The following ZMYM4 variants were observed in gnomAD, a reference collection of about 807,000 sequenced individuals.
ZMYM4 encodes zinc finger MYM-type containing 4.
ZMYM4 carries 31 observed loss-of-function variants against 183.2 expected under a neutral mutation model. That is an observed-to-expected ratio of 0.17 (90% CI 0.13 to 0.23). The LOEUF (loss-of-function observed/expected upper bound fraction) is 0.23. Among genes scored for constraint, ZMYM4 ranks in the 10% least tolerant of loss-of-function variants. The probability of loss-of-function intolerance (pLI) is 1.00; values close to 1 mark genes in which losing one functional copy is unlikely to be tolerated. For missense variants in ZMYM4, 1,273 were observed against 1,840.3 expected, an observed-to-expected ratio of 0.69 and a Z score of 5.64; for synonymous variants, 592 against 631.2, an observed-to-expected ratio of 0.94 and a Z score of 0.93.
chr1:35,403,854 T>C (rs2149021998), intron 23 of ZMYM4, among the ~76,000 whole-genome samples: 1 of 152,342 alleles, frequency 6.6e-6, no homozygotes, highest in East Asian at 1.9e-4. Flanking sequence ...AAGCTATAAA[T>C]GCTGTTTCTA....
chr1:35,400,592 GA>G (rs1299026726), intron 23 of ZMYM4, among the ~76,000 whole-genome samples: 1 of 152,152 alleles, frequency 6.6e-6, no homozygotes, highest in East Asian at 1.9e-4. Context: ...AAAGTTGAAA[GA>G]ATAATAGCTT....
intron 11 of ZMYM4, among the ~76,000 whole-genome samples, chr1:35,386,745 TTGAA>T (rs1236395297): frequency 6.6e-6 from 1 of 152,236 alleles, no homozygotes; most frequent in Non-Finnish European, 1.5e-5. Context: ...TTCTATAAAA[TTGAA>T]TGGTACTTTT....
At chr1:35,375,842 A>G (rs944604601) in intron 7 of ZMYM4, among the ~76,000 whole-genome samples, 17 of 152,164 alleles carry the variant, frequency 1.1e-4, no homozygotes, top group Admixed American at 6.5e-5. Context: ...TTAGGAAGCC[A>G]ACATTGGAGG....
chr1:35,339,275 C>T (rs780507055), intron 2 of ZMYM4, among the ~76,000 whole-genome samples: 89 of 152,002 alleles, frequency 5.9e-4, no homozygotes, highest in Non-Finnish European at 1.2e-4. Flanking sequence ...ACTCTTGTCA[C>T]CCAAGCTGGA....
intron 2 of ZMYM4, among the ~76,000 whole-genome samples, chr1:35,344,958 G>T (rs988992795): frequency 6.6e-6 from 1 of 152,014 alleles, no homozygotes; most frequent in Non-Finnish European, 1.5e-5. Context: ...CCGGGCCTGG[G>T]GCCATTCAGA....
chr1:35,370,243 A>G, intron 6 of ZMYM4, 129 bp from the exon 7 acceptor site: 1 of 1,456,066 alleles, frequency 6.9e-7, no homozygotes, highest in Non-Finnish European at 9.1e-7. Context: ...TGTATATTGC[A>G]TAATTACTGT....
intron 1 of ZMYM4, among the ~76,000 whole-genome samples, chr1:35,274,054 G>A (rs1314872610): frequency 1.3e-5 from 2 of 151,834 alleles, no homozygotes; most frequent in East Asian, 3.9e-4. Context: ...TAAAATAATT[G>A]CAAAAGATTG....
chr1:35,283,179 T>TTTC (rs1553161987), intron 1 of ZMYM4, among the ~76,000 whole-genome samples: 3 of 147,084 alleles, frequency 2.0e-5, no homozygotes, highest in African/African-American at 7.5e-5. Flanking sequence ...CTAATTTTTT[T>TTTC]TTTTTTTGTA....
chr1:35,392,249 C>A lies in ZMYM4; in HGVS notation c.2625C>A (p.Pro875=), dbSNP rs1644722593. The change falls in exon 16 of 30, where the codon CCC becomes CCA. Residue 875 remains proline, a synonymous_variant. Coordinates refer to ENST00000314607, the MANE Select transcript of ZMYM4 (RefSeq NM_005095.3). The part of the protein sequence containing the change: ...ISMVQAASAG[P]PSLRKDSTPV... ...TGGTTCAAGCTGCTTCAGCAGGACCCCCATCTCTGAGAAAAGATTCGACTC... is the reference window on the plus strand; with the variant it reads ...TGGTTCAAGCTGCTTCAGCAGGACCACCATCTCTGAGAAAAGATTCGACTC... 8.7e-6 allele frequency: 14 copies of A among 1,614,136 alleles called. No individual in the cohort carries two copies. In the East Asian group the frequency reaches 2.9e-4, roughly 33 times the overall value.
intron 9 of ZMYM4, among the ~76,000 whole-genome samples, chr1:35,384,134 A>T (rs1411812336): frequency 6.6e-6 from 1 of 152,178 alleles, no homozygotes; most frequent in Non-Finnish European, 1.5e-5. Flanking sequence ...TAGAGATGCT[A>T]TGATGGAAGT....
rs901474893 is a variant in ZMYM4 at position 35,389,483 on chromosome 1, G to A, written c.2436+401G>A. ...AATTAGTATAAAATCAGCTGGGCGCGGTGGCTCACGCCTGTAATCCCAGCA... is the reference window on the plus strand; with the variant it reads ...AATTAGTATAAAATCAGCTGGGCGCAGTGGCTCACGCCTGTAATCCCAGCA... On this transcript the variant is annotated intron_variant, in intron 14 of 29. Transcript: ENST00000314607. The surrounding 1 kb of genome is among the most constrained non-coding windows in gnomAD (Gnocchi z 4.0). 2.6e-5 allele frequency among the ~76,000 whole-genome samples: 4 copies of A among 151,912 alleles called. No individual in the cohort carries two copies. Among genetic ancestry groups the A allele is most frequent in the Admixed American group, 6.6e-5 (1 of 15,244 alleles).
At chr1:35,380,790 A>G (rs1040983285) in intron 7 of ZMYM4, among the ~76,000 whole-genome samples, 3 of 152,150 alleles carry the variant, frequency 2.0e-5, no homozygotes, top group African/African-American at 7.2e-5. Flanking sequence ...TTATTTAGAT[A>G]TGGTAATGTT....
intron 1 of ZMYM4, among the ~76,000 whole-genome samples, chr1:35,276,732 C>A (rs930167037): frequency 6.6e-6 from 1 of 152,068 alleles, no homozygotes; most frequent in East Asian, 1.9e-4. Flanking sequence ...TTCAGCCTCC[C>A]GAGTAGCTGG....
chr1:35,345,473 A>T (rs1453719053), intron 2 of ZMYM4, among the ~76,000 whole-genome samples: 2 of 150,862 alleles, frequency 1.3e-5, no homozygotes, highest in Admixed American at 1.3e-4. Flanking sequence ...TTTTTTAAAG[A>T]CAGGTTTTTA....
At chr1:35,387,682 GTC>G (rs1214441140) in intron 13 of ZMYM4, 78 bp downstream of exon 13, 2 of 1,439,750 alleles carry the variant, frequency 1.4e-6, no homozygotes, top group African/African-American at 2.9e-5. Flanking sequence ...AGCTTTCACT[GTC>G]TAAGTTAATC....
Position 35,387,164 on chromosome 1 carries a change from C to T in ZMYM4, c.1998C>T (p.Leu666=). Residue 666 remains leucine (L), a synonymous_variant, in exon 12 of 30, where the codon CTC becomes CTT. Coordinates refer to ENST00000314607, the MANE Select transcript of ZMYM4 (RefSeq NM_005095.3). ...TCAGTAGCTCTGCTGCAGCTGGTCT[C>T]CAGCGTCTCGCTGCCCAGTCCCAGC... ...TSISSSAAAG[L]QRLAAQSQHV... 2 of 1,614,208 alleles carry T rather than the reference C, an allele frequency of 1.2e-6. No homozygotes were observed. The highest frequency in any genetic ancestry group is 1.7e-6 in the Non-Finnish European group (2 of 1,180,028).
chr1:35,340,131 A>T (rs960268889), intron 2 of ZMYM4, among the ~76,000 whole-genome samples: 3 of 152,216 alleles, frequency 2.0e-5, no homozygotes, highest in Non-Finnish European at 2.9e-5. Flanking sequence ...AATAACAAAA[A>T]TTTTTTGGGA....
At chr1:35,315,271 G>A (rs1413980470) in intron 1 of ZMYM4, among the ~76,000 whole-genome samples, 1 of 151,994 alleles carries the variant, frequency 6.6e-6, no homozygotes, top group Non-Finnish European at 1.5e-5. Context: ...TTAGTAGCTG[G>A]CTTGTTAAGT....
At chr1:35,288,986 CAT>C (rs1388194355) in intron 1 of ZMYM4, among the ~76,000 whole-genome samples, 4 of 152,054 alleles carry the variant, frequency 2.6e-5, no homozygotes, top group Non-Finnish European at 5.9e-5. Context: ...ATATTTAGGA[CAT>C]GTGTCAGATG....
Sources: gnomAD v4.1 joint callset for allele counts (sites outside exome capture counted in the v4.1 genomes callset) on GRCh38, gnomAD v4.1.1 for gene constraint, Gnocchi (gnomAD v3.1) non-coding constraint, MANE v1.5 for transcripts, NCBI Gene and HGNC (gene_info 2026-07-23, HGNC 2026-07-21) for gene names.